LUZP1: variants seen among roughly 807,000 people sequenced by gnomAD.
LUZP1 encodes the protein leucine zipper protein 1.
In LUZP1, 25 loss-of-function variants were observed where a neutral mutation model predicts 71.3. The ratio of observed to expected loss-of-function variants is 0.35; its 90% confidence interval spans 0.26 to 0.49. The LOEUF (loss-of-function observed/expected upper bound fraction) is 0.49. Ranked by LOEUF, LUZP1 falls within the 20% of genes least tolerant of loss-of-function variation. The probability of loss-of-function intolerance (pLI) is 0.99; values close to 1 mark genes in which losing one functional copy is unlikely to be tolerated. For synonymous variants in LUZP1, 481 were observed against 506.4 expected (o/e 0.95, Z 0.67); for missense variants, 1,142 against 1,300.8 (o/e 0.88, Z 1.88).
At chr1:23,091,044 G>T in intron 4 of LUZP1, 146 bp downstream of exon 3, 1 of 892,178 alleles carries the variant, frequency 1.1e-6, no homozygotes, top group Non-Finnish European at 1.8e-6. Flanking sequence ...AAACCCCCCT[G>T]ATTTTTCAAC....
chr1:23,107,585 G>A (rs2124634195), intron 3 of LUZP1, among the ~76,000 whole-genome samples: 1 of 152,284 alleles, frequency 6.6e-6, no homozygotes, highest in South Asian at 2.1e-4. Context: ...CAAATCACCT[G>A]AGGTCAGGAG....
chr1:23,127,866 C>T (rs1644184422), intron 2 of LUZP1, among the ~76,000 whole-genome samples: 1 of 151,958 alleles, frequency 6.6e-6, no homozygotes, highest in African/African-American at 2.4e-5. Context: ...GGCGTGGTGG[C>T]TCATGCTTGT....
At chr1:23,139,949 C>T (rs1334069954) in intron 2 of LUZP1, among the ~76,000 whole-genome samples, 1 of 132,538 alleles carries the variant, frequency 7.5e-6, no homozygotes, top group Non-Finnish European at 1.6e-5. Context: ...AATTCTGTCT[C>T]AAGAAAAAAA....
intron 2 of LUZP1, among the ~76,000 whole-genome samples, chr1:23,113,249 T>C (rs1644048910): frequency 6.6e-6 from 1 of 151,666 alleles, no homozygotes; most frequent in Non-Finnish European, 1.5e-5. Context: ...TGAAAATAAA[T>C]TTAAAAAAAT....
At chr1:23,167,983 G>A (rs1339569832) in intron 2 of LUZP1, among the ~76,000 whole-genome samples, 2 of 150,910 alleles carry the variant, frequency 1.3e-5, no homozygotes, top group East Asian at 2.0e-4. Flanking sequence ...GCTCGCCGGC[G>A]TCCCCCTGCA....
At chr1:23,177,082 G>A (rs1052054083) in intron 1 of LUZP1, among the ~76,000 whole-genome samples, 1 of 149,198 alleles carries the variant, frequency 6.7e-6, no homozygotes, top group Non-Finnish European at 1.5e-5. Flanking sequence ...ATGGGGGGGG[G>A]GTCTCACTAT....
chr1:23,169,720 G>T (rs930712573), intron 1 of LUZP1, among the ~76,000 whole-genome samples: 2 of 152,038 alleles, frequency 1.3e-5, no homozygotes, highest in Non-Finnish European at 2.9e-5. Flanking sequence ...CAGGAGGAAG[G>T]CTTCAAAGAC....
intron 2 of LUZP1, chr1:23,140,776 TCTGCTGCTGGCAACAC>T (rs1244779909): frequency 5.2e-5 from 8 of 152,590 alleles, no homozygotes; most frequent in Admixed American, 2.6e-4. Flanking sequence ...TACAGCAGTG[TCTGCTGCTGGCAACAC>T]CTGCTGCTGG....
intron 2 of LUZP1, among the ~76,000 whole-genome samples, chr1:23,142,894 G>A (rs963878032): frequency 6.6e-6 from 1 of 151,618 alleles, no homozygotes; most frequent in Middle Eastern, 3.2e-3. Flanking sequence ...GGCCAGGCAC[G>A]GTGGCTCATA....
At position 23,138,913 on chromosome 1, in the gene LUZP1, G is replaced by A. The variant is rs1487540732; in HGVS notation, c.-225-29786C>T. On this transcript the variant is annotated intron_variant, in intron 2 of 4. Coordinates refer to ENST00000302291, the Ensembl canonical transcript of LUZP1. The stretch of plus-strand genomic sequence containing the variant: ...CTCGGGAGGCTGAGGCAGGAGAATC[G>A]CTTGAACCCGGGAGGTGGAGGTTGC... Among the ~76,000 whole-genome samples the A allele has an allele frequency of 9.0e-5, 13 of 143,698 alleles. No individual in the cohort carries two copies. The East Asian group carries it at 1.1e-3, about 12-fold the overall frequency. The allele number at this position is 143,698 out of a possible 152,430, so 94.3% of individuals were successfully genotyped here.
intron 3 of LUZP1, among the ~76,000 whole-genome samples, chr1:23,106,268 T>C (rs1221993511): frequency 1.3e-5 from 2 of 152,160 alleles, no homozygotes; most frequent in Non-Finnish European, 2.9e-5. Context: ...TCCAATGACA[T>C]CCTCAAACCC....
At chr1:23,090,853 C>G (rs568301710) in intron 4 of LUZP1, 3 of 717,248 alleles carry the variant, frequency 4.2e-6, no homozygotes, top group Non-Finnish European at 7.8e-6. Context: ...GCTTCTTGTG[C>G]TTTTCATGCT....
chr1:23,170,466 T>TC (rs1285270112), intron 1 of LUZP1, among the ~76,000 whole-genome samples: 9 of 102,024 alleles, frequency 8.8e-5, no homozygotes, highest in African/African-American at 3.4e-4. Context: ...TTCTTTCTTT[T>TC]TTTTTTTTTT....
At chr1:23,139,525 G>A (rs1442346814) in intron 2 of LUZP1, among the ~76,000 whole-genome samples, 3 of 152,022 alleles carry the variant, frequency 2.0e-5, no homozygotes, top group Non-Finnish European at 4.4e-5. Context: ...AAGATGACAA[G>A]GAAGACCTTT....
chr1:23,090,513 T>C, intron 4 of LUZP1: 1 of 225,104 alleles, frequency 4.4e-6, no homozygotes. Context: ...TCTGACACCC[T>C]GAGCCTCACA....
chr1:23,135,521 C>A (rs12048087), intron 2 of LUZP1, among the ~76,000 whole-genome samples: 19,667 of 152,088 alleles, frequency 0.13, 1,476 homozygotes, highest in East Asian at 0.27. Context: ...TTCAGAAAAA[C>A]CACATTAATA....
At chr1:23,098,490 T>C (rs1643906195) in intron 3 of LUZP1, among the ~76,000 whole-genome samples, 1 of 151,992 alleles carries the variant, frequency 6.6e-6, no homozygotes, top group South Asian at 2.1e-4. Context: ...AACAAGATCA[T>C]TAGAAGAGAG....
At chr1:23,139,019 A>AAAAAAAAAAAAAT (rs1317355746) in intron 2 of LUZP1, among the ~76,000 whole-genome samples, 29 of 59,952 alleles carry the variant, frequency 4.8e-4, no homozygotes, top group African/African-American at 1.1e-3. Context: ...AAAAAAAAAA[A>AAAAAAAAAAAAAT]ATATATATAT....
At chr1:23,163,237 CAAAAA>C (rs36097785) in intron 2 of LUZP1, among the ~76,000 whole-genome samples, 2 of 45,172 alleles carry the variant, frequency 4.4e-5, no homozygotes, top group African/African-American at 8.6e-5. Flanking sequence ...GAGACTCTCT[CAAAAA>C]AAAAAAAAAA....
Sources: allele counts gnomAD v4.1 joint callset (sites outside exome capture counted in the v4.1 genomes callset), GRCh38; gene constraint gnomAD v4.1.1; transcripts MANE v1.5; gene names NCBI Gene and HGNC (gene_info 2026-07-23, HGNC 2026-07-21).